RET: variants seen among roughly 807,000 people sequenced by gnomAD.
RET encodes the protein proto-oncogene tyrosine-protein kinase receptor Ret.
A neutral mutation model predicts 118.3 loss-of-function variants in RET; 19 were observed. The ratio of observed to expected loss-of-function variants is 0.16; its 90% CI spans 0.11 to 0.24. RET has a LOEUF of 0.24. Ranked by LOEUF, RET falls within the 10% of genes least tolerant of loss-of-function variation. The pLI, the probability that RET is intolerant of heterozygous loss-of-function variation, is 1.00. For synonymous variants in RET, 597 were observed against 644.1 expected (o/e 0.93, Z 1.11); for missense variants, 1,219 against 1,502.1 (o/e 0.81, Z 3.12).
At chr10:43,122,482 A>G (rs1475434873) in intron 16 of RET, among the ~76,000 whole-genome samples, 4 of 152,206 alleles carry the variant, frequency 2.6e-5, no homozygotes, top group Non-Finnish European at 2.9e-5. Context: ...GTGTGCCCCA[A>G]ACTGCTCAAA....
intron 1 of RET, among the ~76,000 whole-genome samples, chr10:43,089,427 G>A (rs55800645): frequency 0.014 from 2,164 of 152,374 alleles, 58 homozygotes; most frequent in African/African-American, 0.05. Flanking sequence ...ATTAGCATAT[G>A]CGTGTCCATC....
At position 43,111,350 on chromosome 10, in the gene RET, C is replaced by T. The variant is rs1357302036; in HGVS notation, c.1407C>T (p.Asp469=). 2 of 1,613,992 alleles carry T rather than the reference C, an allele frequency of 1.2e-6. No individual in the cohort carries two copies. The highest frequency in any genetic ancestry group is 2.7e-5 in the African/African-American group (2 of 74,938). The stretch of plus-strand genomic sequence containing the variant: ...CCTCGGGGATCCTGTTTGTGAATGA[C>T]ACCAAGGCCCTGCGGCGGCCCAAGT... ...EDTSGILFVN[D]TKALRRPKCA... Residue 469 remains aspartate (D), a synonymous_variant, in exon 7 of 20, where the codon GAC becomes GAT. Transcript: ENST00000355710.
At chr10:43,105,506 C>G (rs1423341178) in intron 4 of RET, among the ~76,000 whole-genome samples, 1 of 152,144 alleles carries the variant, frequency 6.6e-6, no homozygotes, top group East Asian at 1.9e-4. Flanking sequence ...CGGGAGGGCA[C>G]TCCCTCCCAC....
chr10:43,119,979 T>C (rs2132955091), intron 14 of RET, 102 bp from the exon 15 acceptor site: 2 of 1,545,898 alleles, frequency 1.3e-6, no homozygotes, highest in Non-Finnish European at 1.8e-6. Context: ...ACCAGGCCGC[T>C]ACCCGGGCCA....
At chr10:43,110,472 C>T (rs1837890010) in intron 6 of RET, among the ~76,000 whole-genome samples, 1 of 152,174 alleles carries the variant, frequency 6.6e-6, no homozygotes, top group Non-Finnish European at 1.5e-5. Flanking sequence ...ATCTGTGGAA[C>T]TTTTGGTTTC....
chr10:43,114,491 G>T lies in RET; in HGVS notation c.1891G>T (p.Asp631Tyr), dbSNP rs377767406. 6.2e-7 allele frequency: 1 copy of T among 1,606,902 alleles called. No homozygotes were observed. The highest frequency in any genetic ancestry group is 8.5e-7 in the Non-Finnish European group (1 of 1,179,956). Reference sequence around the variant, plus strand: ...ACCCCCACCCACAGATCCACTGTGCGACGAGCTGTGCCGCACGGTGATCGC... The same window carrying T: ...ACCCCCACCCACAGATCCACTGTGCTACGAGCTGTGCCGCACGGTGATCGC... ...EPEDIQDPLC[D>Y]ELCRTVIAAA... The change falls in exon 11 of 20, where the codon GAC becomes TAC. Residue 631 changes from aspartate to tyrosine, a missense_variant. Asp to Tyr is a radical substitution (Grantham distance 160, BLOSUM62 -3). Transcript: ENST00000355710. This position sits in a 1 kb window ranked among gnomAD's most constrained non-coding sequence, Gnocchi z 4.6.
At chr10:43,116,854 T>C in intron 12 of RET, 123 bp downstream of exon 12, 1 of 1,260,664 alleles carries the variant, frequency 7.9e-7, no homozygotes, top group Non-Finnish European at 1.1e-6. Flanking sequence ...GCGGCTGCAG[T>C]TGGGGGACCC....
rs774840230 is a variant in RET, at chr10:43,124,962, A to G, written c.3019A>G (p.Lys1007Glu). Residue 1007 changes from lysine to glutamate, a missense_variant, in exon 18 of 20, where the codon AAG becomes GAG. Physicochemically the swap from Lys to Glu is moderately conservative, Grantham distance 56. Transcript: ENST00000355710. ...VFADISKDLE[K>E]MMVKRRDYLD... The stretch of plus-strand genomic sequence containing the variant: ...TGCGGACATCAGCAAAGACCTGGAG[A>G]AGATGATGGTTAAGAGGAGAGTGAG... 1 of 1,614,164 alleles carries G rather than the reference A, an allele frequency of 6.2e-7. No individual in the cohort carries two copies. The highest frequency in any genetic ancestry group is 8.5e-7 in the Non-Finnish European group (1 of 1,180,020).
intron 8 of RET, 80 bp from the exon 9 acceptor site, chr10:43,112,773 G>T: frequency 9.0e-7 from 1 of 1,115,510 alleles, no homozygotes; most frequent in Admixed American, 1.9e-5. Flanking sequence ...TCCCTAGAGG[G>T]GCAGGATCTG....
At chr10:43,088,441 G>A (rs983182732) in intron 1 of RET, among the ~76,000 whole-genome samples, 1 of 151,992 alleles carries the variant, frequency 6.6e-6, no homozygotes, top group African/African-American at 2.4e-5. Context: ...GGTGGTGGAG[G>A]CAGTGGTAGT....
intron 3 of RET, 104 bp downstream of exon 3, chr10:43,102,733 C>T: frequency 7.2e-7 from 1 of 1,396,378 alleles, no homozygotes; most frequent in Non-Finnish European, 1.0e-6. Flanking sequence ...ACCTTCATGC[C>T]ATCAGTTCAT....
In RET at chr10:43,102,939, GGAAGAGGGAAACGCT is replaced by G. The variant is rs1229848854; in HGVS notation, c.625+318_625+332del. ...AAGGAGCTAGCTGGGGAGGAAACTGGGAAGAGGGAAACGCTGAAGAGGAGGGGAACAGACGAGGAG... is the reference window on the plus strand; with the variant it reads ...AAGGAGCTAGCTGGGGAGGAAACTGGGAAGAGGAGGGGAACAGACGAGGAG... On this transcript the variant is annotated intron_variant, in intron 3 of 19. Transcript: ENST00000355710. 6.3e-6 allele frequency: 3 copies of G among 478,816 alleles called. No individual in the cohort carries two copies. In the East Asian group the frequency reaches 1.2e-4, roughly 19 times the overall value. 29.7% of individuals were successfully genotyped at this position (478,816 alleles called of 1,614,324 possible).
chr10:43,118,268 T>C, intron 12 of RET, 105 bp from the exon 13 acceptor site: 1 of 864,812 alleles, frequency 1.2e-6, no homozygotes, highest in Admixed American at 2.0e-5. Flanking sequence ...CAGGCCTCTC[T>C]GTCTGAACTT....
At position 43,077,814 on chromosome 10, in the gene RET, T is replaced by A. The variant is rs912755990; in HGVS notation, c.73+483T>A. Among the ~76,000 whole-genome samples the A allele has an allele frequency of 1.3e-5, 2 of 152,240 alleles. 1 individual carries two copies. Among genetic ancestry groups the A allele is most frequent in the South Asian group, 4.1e-4 (2 of 4,838 alleles). ...CGTCCGTGCGTTCCTCCCCCAGCTCTGCCGTCCTGGCCAGCCGAGGGATTC... is the reference window on the plus strand; with the variant it reads ...CGTCCGTGCGTTCCTCCCCCAGCTCAGCCGTCCTGGCCAGCCGAGGGATTC... On this transcript the variant is annotated intron_variant, in intron 1 of 19. Transcript: ENST00000355710.
Position 43,104,974 on chromosome 10 carries a change from C to T in RET, c.648C>T (p.Cys216=), listed in dbSNP as rs1837728413. The T allele has an allele frequency of 6.4e-7, 1 of 1,574,370 alleles. No homozygotes were observed. Among genetic ancestry groups the T allele is most frequent in the Non-Finnish European group, 8.6e-7 (1 of 1,168,102 alleles). ...CAGGTGAGGGTCTGCCCTTCCGCTG[C>T]GCCCCGGACAGCCTGGAGGTGAGCA... The part of the protein sequence containing the change: ...LLEGEGLPFR[C]APDSLEVSTR... The change falls in exon 4 of 20, where the codon TGC becomes TGT. Residue 216 remains cysteine, a synonymous_variant. Coordinates refer to ENST00000355710, the MANE Select transcript of RET (RefSeq NM_020975.6).
chr10:43,123,512 C>A (rs915105407), intron 16 of RET, among the ~76,000 whole-genome samples, 159 bp from the exon 17 acceptor site: 1 of 152,134 alleles, frequency 6.6e-6, no homozygotes, highest in African/African-American at 2.4e-5. Flanking sequence ...CATGCTACAT[C>A]CATCTGAGCA....
intron 12 of RET, among the ~76,000 whole-genome samples, chr10:43,118,133 C>T (rs1838115188): frequency 6.6e-6 from 1 of 152,208 alleles, no homozygotes; most frequent in African/African-American, 2.4e-5. Context: ...AGCCCTGGGA[C>T]ACTCTGGGGA....
chr10:43,089,026 A>G (rs1311408987), intron 1 of RET, among the ~76,000 whole-genome samples: 2 of 151,702 alleles, frequency 1.3e-5, no homozygotes, highest in African/African-American at 4.9e-5. Context: ...TTTAGCCTCC[A>G]CTTGCCTGTC....
intron 15 of RET, among the ~76,000 whole-genome samples, chr10:43,121,422 A>T (rs1159892217): frequency 6.6e-6 from 1 of 152,148 alleles, no homozygotes; most frequent in Non-Finnish European, 1.5e-5. Flanking sequence ...CTGATGAGGG[A>T]TGTAGGGGGC....
Sources: allele counts gnomAD v4.1 joint callset (sites outside exome capture counted in the v4.1 genomes callset), GRCh38; gene constraint gnomAD v4.1.1; non-coding constraint Gnocchi (gnomAD v3.1); transcripts MANE v1.5; gene names NCBI Gene and HGNC (gene_info 2026-07-23, HGNC 2026-07-21).